LZTFL1: variants seen among roughly 807,000 people sequenced by gnomAD.
LZTFL1 encodes the protein leucine zipper transcription factor like 1.
A neutral mutation model predicts 45.9 loss-of-function variants in LZTFL1; 25 were observed. That is an observed-to-expected ratio of 0.54 (90% CI 0.40 to 0.76). The LOEUF (loss-of-function observed/expected upper bound fraction) is 0.76. Ranked by LOEUF, LZTFL1 falls within the 30% of genes least tolerant of loss-of-function variation. The pLI is 0.00. For synonymous variants in LZTFL1, 93 were observed against 117.4 expected (o/e 0.79, Z 1.35); for missense variants, 277 against 331.1 (o/e 0.84, Z 1.27).
intron 2 of LZTFL1, among the ~76,000 whole-genome samples, chr3:45,888,701 T>A (rs76878061): frequency 2.9e-4 from 44 of 152,296 alleles, no homozygotes; most frequent in Non-Finnish European, 4.4e-4. Context: ...TTCCCCCCTA[T>A]ATTTTTCCCG....
chr3:45,875,444 C>T (rs934771558), intron 2 of LZTFL1, among the ~76,000 whole-genome samples: 1 of 151,986 alleles, frequency 6.6e-6, no homozygotes, highest in Non-Finnish European at 1.5e-5. Flanking sequence ...AATCCTGGCT[C>T]TAGCACTTAC....
chr3:45,890,844 C>T (rs1165475136), intron 2 of LZTFL1, among the ~76,000 whole-genome samples: 1 of 152,176 alleles, frequency 6.6e-6, no homozygotes, highest in Non-Finnish European at 1.5e-5. Context: ...CAGCCCCTGT[C>T]GGAATGCCAG....
At chr3:45,832,850 T>C (rs1467356399) in intron 5 of LZTFL1, 200 bp downstream of exon 5, 7 of 463,096 alleles carry the variant, frequency 1.5e-5, no homozygotes, top group Non-Finnish European at 2.7e-5. Flanking sequence ...CTTGAAAAGG[T>C]GTGATCAGGA....
At chr3:45,868,731 C>T (rs906783932) in intron 2 of LZTFL1, among the ~76,000 whole-genome samples, 8 of 152,088 alleles carry the variant, frequency 5.3e-5, no homozygotes, top group African/African-American at 1.7e-4. Context: ...TAATAACAGC[C>T]GATATTTTCC....
chr3:45,902,501 G>C (rs892177982), intron 2 of LZTFL1: 1 of 167,096 alleles, frequency 6.0e-6, no homozygotes, highest in African/African-American at 2.4e-5. Context: ...ATTTTGAAAC[G>C]ATCTGCAGGT....
Position 45,842,036 on chromosome 3 carries a change from G to C in LZTFL1, c.-45C>G, listed in dbSNP as rs1701133283. ...AGCCTAAAGGAACGGGAGAGGCCAG[G>C]CGGTGCCCCGCCAAGCCTGGGATCG... On this transcript the variant is annotated 5_prime_UTR_variant, in exon 1 of 10. Transcript: ENST00000296135. The C allele has an allele frequency of 1.2e-6, 2 of 1,601,294 alleles. No individual in the cohort carries two copies. The highest frequency in any genetic ancestry group is 2.7e-5 in the African/African-American group (2 of 74,736).
intron 2 of LZTFL1, chr3:45,883,660 C>A: frequency 1.9e-6 from 1 of 517,412 alleles, no homozygotes; most frequent in Non-Finnish European, 3.7e-6. Context: ...GTGGCAGTAT[C>A]TTTGCAGATG....
chr3:45,830,070 G>A (rs1403266571), intron 7 of LZTFL1, among the ~76,000 whole-genome samples: 1 of 152,204 alleles, frequency 6.6e-6, no homozygotes, highest in Non-Finnish European at 1.5e-5. Context: ...TAAATAGAGT[G>A]AAGAGTGCAT....
At chr3:45,879,368 G>A (rs1330615782) in intron 2 of LZTFL1, among the ~76,000 whole-genome samples, 1 of 152,184 alleles carries the variant, frequency 6.6e-6, no homozygotes, top group Non-Finnish European at 1.5e-5. Context: ...AAGACATGGA[G>A]GAGCCTTAAA....
At chr3:45,828,245 T>C (rs1700718099) in intron 8 of LZTFL1, among the ~76,000 whole-genome samples, 194 bp downstream of exon 8, 1 of 152,196 alleles carries the variant, frequency 6.6e-6, no homozygotes, top group South Asian at 2.1e-4. Context: ...TTATCACAGA[T>C]ATTTTAGTAC....
intron 2 of LZTFL1, among the ~76,000 whole-genome samples, chr3:45,873,401 C>T (rs1701700660): frequency 6.6e-6 from 1 of 152,186 alleles, no homozygotes; most frequent in Non-Finnish European, 1.5e-5. Context: ...ATGAACATTT[C>T]ATTTCTCCAT....
chr3:45,896,934 G>A (rs1038742232), intron 2 of LZTFL1, among the ~76,000 whole-genome samples: 4 of 152,190 alleles, frequency 2.6e-5, no homozygotes, highest in African/African-American at 4.8e-5. Context: ...GATTTCCAGA[G>A]AACACATGAG....
chr3:45,896,939 C>T (rs1419624959), intron 2 of LZTFL1, among the ~76,000 whole-genome samples: 1 of 152,224 alleles, frequency 6.6e-6, no homozygotes, highest in Non-Finnish European at 1.5e-5. Context: ...CCAGAGAACA[C>T]ATGAGCCAGA....
intron 2 of LZTFL1, among the ~76,000 whole-genome samples, chr3:45,879,198 T>C (rs977530016): frequency 3.3e-5 from 5 of 152,202 alleles, no homozygotes; most frequent in Non-Finnish European, 7.3e-5. Flanking sequence ...CACACAAAGA[T>C]CTGCACACAG....
chr3:45,908,635 G>T (rs1451637676), intron 2 of LZTFL1, among the ~76,000 whole-genome samples: 1 of 152,208 alleles, frequency 6.6e-6, no homozygotes, highest in Non-Finnish European at 1.5e-5. Flanking sequence ...GGAAGCAGGG[G>T]AGAAAGGGGA....
Position 45,869,951 on chromosome 3 carries a change from C to G in LZTFL1, c.-214-10935G>C, listed in dbSNP as rs907951684. ...GACCAGTTATGTCAACAAAAGTACT[C>G]GAGTTCCCATGACATCTGCTTTTGC... On this transcript the variant is annotated intron_variant, in intron 2 of 4. Coordinates refer to the LZTFL1 transcript ENST00000472635. 2.0e-5 allele frequency among the ~76,000 whole-genome samples: 3 copies of G among 152,262 alleles called. No individual in the cohort carries two copies. The East Asian group carries it at 5.8e-4, about 29-fold the overall frequency.
chr3:45,913,000 A>G, intron 2 of LZTFL1: 7 of 1,018,368 alleles, frequency 6.9e-6, no homozygotes, highest in Admixed American at 5.6e-5. Flanking sequence ...AAAGCTTTTT[A>G]TAAGTCATCA....
intron 8 of LZTFL1, among the ~76,000 whole-genome samples, chr3:45,828,141 G>A (rs1214569997): frequency 1.3e-5 from 2 of 152,256 alleles, no homozygotes; most frequent in African/African-American, 2.4e-5. Flanking sequence ...TGGGAAGAAG[G>A]AGCAGAAGAG....
At chr3:45,904,580 C>A (rs1702641784) in intron 2 of LZTFL1, among the ~76,000 whole-genome samples, 1 of 152,226 alleles carries the variant, frequency 6.6e-6, no homozygotes. Context: ...AGGAAGCAGT[C>A]CACAGTGAGC....
Sources: allele counts gnomAD v4.1 joint callset (sites outside exome capture counted in the v4.1 genomes callset), GRCh38; gene constraint gnomAD v4.1.1; transcripts MANE v1.5; gene names NCBI Gene and HGNC (gene_info 2026-07-23, HGNC 2026-07-21).